Variants in YJU2B observed in about 807,000 individuals in gnomAD.
YJU2B encodes the protein probable splicing factor YJU2B.
A neutral mutation model predicts 38.0 loss-of-function variants in YJU2B; 18 were observed. That is an observed-to-expected ratio of 0.47 (90% CI 0.33 to 0.70). The LOEUF (loss-of-function observed/expected upper bound fraction) is 0.70. Among genes scored for constraint, YJU2B ranks in the 30% least tolerant of loss-of-function variants. The pLI, the probability that YJU2B is intolerant of heterozygous loss-of-function variation, is 0.02. For missense variants in YJU2B, 538 were observed against 556.3 expected (o/e 0.97, Z 0.33); for synonymous variants, 246 against 225.4 (o/e 1.09, Z -0.82).
At chr19:13,757,576 G>A in intron 5 of YJU2B, 103 bp downstream of exon 5, 2 of 1,184,474 alleles carry the variant, frequency 1.7e-6, no homozygotes, top group Non-Finnish European at 1.2e-6. Context: ...AGGAATGAGG[G>A]AGGAGACGGG....
intron 2 of YJU2B, among the ~76,000 whole-genome samples, chr19:13,737,333 T>C (rs1250536255): frequency 1.3e-5 from 2 of 152,118 alleles, no homozygotes; most frequent in Non-Finnish European, 2.9e-5. Context: ...GCCACTTCTT[T>C]GCTCTCTTCA....
At chr19:13,732,568 C>T (rs1043343399) in intron 2 of YJU2B, 2 of 140,110 alleles carry the variant, frequency 1.4e-5, no homozygotes, top group African/African-American at 5.4e-5. Context: ...ATAGTGAGAT[C>T]CTTGTTTCCT....
Position 13,762,978 on chromosome 19 carries a change from C to T in YJU2B, c.1101C>T (p.Ser367=), listed in dbSNP as rs1238384371. ...QDKPLSPAGS[S]QEAADTPDTR... ...AGCCCCTGTCGCCAGCAGGCTCCTC[C>T]CAGGAGGCAGCTGACACCCCCGACA... The change falls in exon 10 of 10, where the codon TCC becomes TCT. Residue 367 remains serine, a synonymous_variant. Coordinates refer to ENST00000221554, the MANE Select transcript of YJU2B (RefSeq NM_030818.4). 2.5e-6 allele frequency: 4 copies of T among 1,610,664 alleles called. No individual in the cohort carries two copies. The African/African-American group carries it at 4.0e-5, about 16-fold the overall frequency.
intron 8 of YJU2B, 28 bp from the exon 9 acceptor site, chr19:13,762,271 T>A (rs1406857760): frequency 1.9e-6 from 3 of 1,610,324 alleles, no homozygotes; most frequent in Non-Finnish European, 2.5e-6. Flanking sequence ...ACACCCCCTA[T>A]CTCTGGTGTT....
At chr19:13,754,405 GT>G in intron 3 of YJU2B, 63 bp downstream of exon 3, 1 of 1,381,326 alleles carries the variant, frequency 7.2e-7, no homozygotes, top group African/African-American at 1.4e-5. Flanking sequence ...CCCTCTTGGG[GT>G]TAGAGCCACT....
At chr19:13,750,563 G>C (rs1287076625) in intron 1 of YJU2B, among the ~76,000 whole-genome samples, 1 of 151,758 alleles carries the variant, frequency 6.6e-6, no homozygotes, top group Non-Finnish European at 1.5e-5. Context: ...TGTAGGTCAA[G>C]ACCTGTGACA....
upstream of YJU2B, among the ~76,000 whole-genome samples, chr19:13,744,880 T>C (rs907066958): frequency 6.6e-6 from 1 of 151,680 alleles, no homozygotes; most frequent in African/African-American, 2.4e-5. Flanking sequence ...GTAGTCCCAG[T>C]TACTCGGGAG....
chr19:13,739,076 TAAAC>T (rs905117580), intron 2 of YJU2B, among the ~76,000 whole-genome samples: 20 of 151,908 alleles, frequency 1.3e-4, no homozygotes, highest in African/African-American at 3.1e-4. Flanking sequence ...AATAAATAAA[TAAAC>T]AAACAAACAA....
intron 1 of YJU2B, among the ~76,000 whole-genome samples, chr19:13,749,545 T>G (rs550700188): frequency 6.6e-6 from 1 of 152,282 alleles, no homozygotes; most frequent in East Asian, 1.9e-4. Flanking sequence ...TTTCTGGCCC[T>G]TGACAGAGAA....
chr19:13,752,573 G>T (rs1319628078), intron 2 of YJU2B, among the ~76,000 whole-genome samples: 2 of 152,060 alleles, frequency 1.3e-5, no homozygotes, highest in Non-Finnish European at 2.9e-5. Context: ...GTGAAACCCC[G>T]TCTCTACTAA....
chr19:13,737,514 C>T (rs1972981848), intron 2 of YJU2B, among the ~76,000 whole-genome samples: 1 of 150,222 alleles, frequency 6.7e-6, no homozygotes, highest in Admixed American at 6.7e-5. Context: ...GGGCTGGGCG[C>T]GGTGGCTCAC....
chr19:13,755,459 CAA>C (rs35675919), intron 3 of YJU2B, among the ~76,000 whole-genome samples: 14 of 115,008 alleles, frequency 1.2e-4, no homozygotes, highest in African/African-American at 2.4e-4. Context: ...GACTCTGTCT[CAA>C]AAAAAAAAAA....
upstream of YJU2B, chr19:13,747,631 C>G (rs1483945267): frequency 6.6e-6 from 1 of 152,396 alleles, no homozygotes; most frequent in Non-Finnish European, 1.5e-5. Flanking sequence ...CCACCACACC[C>G]TCGCTGACCG....
intron 2 of YJU2B, among the ~76,000 whole-genome samples, chr19:13,738,604 C>CA (rs1429093829): frequency 6.6e-6 from 1 of 151,952 alleles, no homozygotes; most frequent in Non-Finnish European, 1.5e-5. Flanking sequence ...ATTAAAAATA[C>CA]AAAAAAGCCG....
intron 3 of YJU2B, among the ~76,000 whole-genome samples, chr19:13,755,951 T>TC (rs1180395659): frequency 1.3e-5 from 2 of 151,970 alleles, no homozygotes; most frequent in Non-Finnish European, 2.9e-5. Flanking sequence ...AGAGCAAAAC[T>TC]CCATCTCAAA....
chr19:13,753,333 G>A (rs1263869360), intron 2 of YJU2B, among the ~76,000 whole-genome samples: 1 of 152,136 alleles, frequency 6.6e-6, no homozygotes, highest in Non-Finnish European at 1.5e-5. Flanking sequence ...CAGCACTTTG[G>A]GAGGTCGAGG....
rs565311294 is a variant in YJU2B at position 13,751,672 on chromosome 19, C to T, written c.-137C>T. 40 of 873,502 alleles carry T rather than the reference C, an allele frequency of 4.6e-5. No individual in the cohort carries two copies. The highest frequency in any genetic ancestry group is 7.1e-5 in the Non-Finnish European group (38 of 537,196). The allele number at this position is 873,502 out of a possible 1,614,324, so 54.1% of individuals were successfully genotyped here. A position where few individuals can be genotyped will look rare whatever the true frequency, so the allele number is the denominator to read the frequency against. ...TCTTGTCTGAGCTGGCACCACCACA[C>T]GGCCCACGACATCTTCGCAGGGAAG... On this transcript the variant is annotated 5_prime_UTR_variant, in exon 2 of 10. The change creates a new upstream start codon in the 5' untranslated region. Transcript: ENST00000221554.
At chr19:13,762,479 G>A (rs758363940) in intron 9 of YJU2B, 42 bp downstream of exon 9, 2 of 1,599,168 alleles carry the variant, frequency 1.3e-6, no homozygotes, top group Non-Finnish European at 1.7e-6. Context: ...GGGAGGCTCA[G>A]AGTTGCCTGG....
chr19:13,755,901 T>C (rs1483649536), intron 3 of YJU2B, among the ~76,000 whole-genome samples: 1 of 152,088 alleles, frequency 6.6e-6, no homozygotes, highest in African/African-American at 2.4e-5. Context: ...GAGGTTGCAG[T>C]GAGCCAAGGT....
Sources: allele counts gnomAD v4.1 joint callset (sites outside exome capture counted in the v4.1 genomes callset), GRCh38; gene constraint gnomAD v4.1.1; transcripts MANE v1.5; gene names NCBI Gene and HGNC (gene_info 2026-07-23, HGNC 2026-07-21).